Variants in TSHZ1 observed in about 807,000 individuals in gnomAD.
TSHZ1 encodes teashirt homolog 1.
TSHZ1 carries 12 observed loss-of-function variants against 67.1 expected under a neutral mutation model. The ratio of observed to expected loss-of-function variants is 0.18; its 90% confidence interval spans 0.11 to 0.29. TSHZ1 has a LOEUF of 0.29. TSHZ1 is among the 10% of genes least tolerant of loss of function. The pLI, the probability that TSHZ1 is intolerant of heterozygous loss-of-function variation, is 1.00. For synonymous variants in TSHZ1, 632 were observed against 622.4 expected (o/e 1.02, Z -0.23); for missense variants, 1,305 against 1,413.9 (o/e 0.92, Z 1.23).
chr18:75,286,220 C>T lies in TSHZ1; in HGVS notation c.813C>T (p.Tyr271=). Residue 271 remains tyrosine, a synonymous_variant, in exon 2 of 2, where the codon TAC becomes TAT. Transcript: ENST00000580243. This position sits in a 1 kb window ranked among gnomAD's most constrained non-coding sequence, Gnocchi z 5.1. ...LTVHMNETGH[Y]RDDNRDKDSE... ...TGCACATGAACGAGACAGGCCACTA[C>T]CGTGACGACAACAGGGACAAGGACT... 2.5e-6 allele frequency: 4 copies of T among 1,614,062 alleles called. No individual in the cohort carries two copies. Among genetic ancestry groups the T allele is most frequent in the Non-Finnish European group, 2.5e-6 (3 of 1,179,960 alleles).
intron 1 of TSHZ1, among the ~76,000 whole-genome samples, chr18:75,237,802 T>G (rs2023096396): frequency 6.6e-6 from 1 of 150,802 alleles, no homozygotes; most frequent in South Asian, 2.1e-4. Context: ...ATTTATTTAT[T>G]TATTTATTTA....
chr18:75,266,854 TA>T (rs1156259842), intron 1 of TSHZ1, among the ~76,000 whole-genome samples: 1 of 152,234 alleles, frequency 6.6e-6, no homozygotes, highest in Non-Finnish European at 1.5e-5. Context: ...GAATATTATT[TA>T]AAGTTTCTAA....
chr18:75,233,290 A>T (rs1488320941), intron 1 of TSHZ1, among the ~76,000 whole-genome samples: 1 of 152,248 alleles, frequency 6.6e-6, no homozygotes, highest in Non-Finnish European at 1.5e-5. Flanking sequence ...TATAAAGTAC[A>T]AACTTTTCTC....
At chr18:75,274,735 T>G (rs2023596882) in intron 1 of TSHZ1, among the ~76,000 whole-genome samples, 1 of 152,026 alleles carries the variant, frequency 6.6e-6, no homozygotes, top group South Asian at 2.1e-4. Context: ...GCCAAAGTAA[T>G]TTTTTTTAAA....
intron 1 of TSHZ1, among the ~76,000 whole-genome samples, chr18:75,264,804 T>A (rs2023471449): frequency 6.6e-6 from 1 of 152,214 alleles, no homozygotes; most frequent in Non-Finnish European, 1.5e-5. Flanking sequence ...GTCAAATCTG[T>A]TATTTTAGAA....
chr18:75,272,731 G>A (rs191391496), intron 1 of TSHZ1, among the ~76,000 whole-genome samples: 9 of 152,332 alleles, frequency 5.9e-5, no homozygotes, highest in East Asian at 1.9e-4. Context: ...GTCCCATAGC[G>A]TCGTTGTCAA....
At chr18:75,284,040 C>T (rs555706029) in intron 1 of TSHZ1, 1 of 152,618 alleles carries the variant, frequency 6.6e-6, no homozygotes, top group African/African-American at 2.4e-5. Flanking sequence ...ATCTGAACCC[C>T]AAATACCCCA....
intron 1 of TSHZ1, among the ~76,000 whole-genome samples, chr18:75,240,306 G>A (rs1599034995): frequency 6.7e-6 from 1 of 149,750 alleles, no homozygotes; most frequent in African/African-American, 2.5e-5. Context: ...TTTAAGGATA[G>A]TGAATCTTAC....
Position 75,288,791 on chromosome 18 carries a change from A to T in TSHZ1, c.*150A>T. 1 of 1,298,896 alleles carries T rather than the reference A, an allele frequency of 7.7e-7. No individual in the cohort carries two copies. Among genetic ancestry groups the T allele is most frequent in the South Asian group, 1.7e-5 (1 of 57,922 alleles). 80.5% of individuals were successfully genotyped at this position (1,298,896 alleles called of 1,614,324 possible). A position where few individuals can be genotyped will look rare whatever the true frequency, so the allele number is the denominator to read the frequency against. ...TCTTACACATATTTTGTATATTTAT[A>T]TGCTCTCTGTCCGATCTGTGCATGT... On this transcript the variant is annotated 3_prime_UTR_variant, in exon 2 of 2. Coordinates refer to ENST00000580243, the MANE Select transcript of TSHZ1 (RefSeq NM_001308210.2). This position sits in a 1 kb window ranked among gnomAD's most constrained non-coding sequence, Gnocchi z 4.9.
chr18:75,260,940 G>A (rs1025758097), intron 1 of TSHZ1, among the ~76,000 whole-genome samples: 1 of 152,012 alleles, frequency 6.6e-6, no homozygotes, highest in African/African-American at 2.4e-5. Flanking sequence ...GAAAATGGAT[G>A]GACATTTCTC....
intron 1 of TSHZ1, chr18:75,283,550 G>C (rs2023712818): frequency 6.6e-6 from 1 of 152,256 alleles, no homozygotes; most frequent in Non-Finnish European, 1.5e-5. Context: ...GTGTGAACAG[G>C]ATTGTGATTC....
chr18:75,242,770 A>G (rs866094071), intron 1 of TSHZ1, among the ~76,000 whole-genome samples: 17 of 152,210 alleles, frequency 1.1e-4, no homozygotes, highest in South Asian at 6.2e-4. Context: ...GGTGAAGGGT[A>G]CTAGCTGATT....
chr18:75,287,290 C>T lies in TSHZ1; in HGVS notation c.1883C>T (p.Thr628Met), dbSNP rs148468723. The change falls in exon 2 of 2, where the codon ACG becomes ATG. Residue 628 changes from threonine (T) to methionine (M), a missense_variant. Physicochemically the swap from Thr to Met is moderately conservative, Grantham distance 81. Transcript: ENST00000580243. This position sits in a 1 kb window ranked among gnomAD's most constrained non-coding sequence, Gnocchi z 5.0. ...CTCCTGCACTCCCCAGGGAGCCTCA[C>T]GCCCCCACCGCACAAGAGCAACGTG... ...NALLHSPGSL[T>M]PPPHKSNVSA... 126 of 1,614,070 alleles carry T rather than the reference C, an allele frequency of 7.8e-5. No homozygotes were observed. Among genetic ancestry groups the T allele is most frequent in the Middle Eastern group, 1.6e-4 (1 of 6,062 alleles).
intron 1 of TSHZ1, among the ~76,000 whole-genome samples, chr18:75,224,114 A>G (rs1345458849): frequency 6.6e-6 from 1 of 151,188 alleles, no homozygotes; most frequent in African/African-American, 2.4e-5. Flanking sequence ...AAGGAAGGGA[A>G]AATACCCCAA....
intron 1 of TSHZ1, among the ~76,000 whole-genome samples, chr18:75,229,056 C>A (rs115107363): frequency 2.2e-3 from 334 of 152,378 alleles, no homozygotes; most frequent in African/African-American, 7.6e-3. Context: ...GATAGAGGAG[C>A]TCTCAAAGTG....
Position 75,287,007 on chromosome 18 carries a change from C to A in TSHZ1, c.1600C>A (p.Pro534Thr). The change falls in exon 2 of 2, where the codon CCG (proline) becomes ACG (threonine). Residue 534 changes from proline to threonine, a missense_variant. By Grantham distance (38) the Pro-to-Thr change is conservative. Coordinates refer to ENST00000580243, the MANE Select transcript of TSHZ1 (RefSeq NM_001308210.2). This position sits in a 1 kb window ranked among gnomAD's most constrained non-coding sequence, Gnocchi z 5.0. ...LEKFEPSTLYPYLREEDLDDS... is the reference protein window; with the variant it reads ...LEKFEPSTLYTYLREEDLDDS... ...GAAATTTGAGCCCAGCACCCTGTAC[C>A]CGTACCTGCGTGAGGAGGACCTGGA... The A allele has an allele frequency of 6.2e-7, 1 of 1,614,004 alleles. No individual in the cohort carries two copies. The highest frequency in any genetic ancestry group is 8.5e-7 in the Non-Finnish European group (1 of 1,180,008).
chr18:75,240,285 T>G (rs2023137015), intron 1 of TSHZ1, among the ~76,000 whole-genome samples: 1 of 152,196 alleles, frequency 6.6e-6, no homozygotes, highest in South Asian at 2.1e-4. Flanking sequence ...AAAGTGATAT[T>G]TCTTAAAAAT....
chr18:75,231,789 C>A (rs36035498), intron 1 of TSHZ1, among the ~76,000 whole-genome samples: 3 of 152,124 alleles, frequency 2.0e-5, no homozygotes, highest in Non-Finnish European at 4.4e-5. Flanking sequence ...CCGCTTTGGC[C>A]TCCCAAAGTG....
At chr18:75,248,631 C>T (rs1341299375) in intron 1 of TSHZ1, among the ~76,000 whole-genome samples, 3 of 152,114 alleles carry the variant, frequency 2.0e-5, no homozygotes, top group Non-Finnish European at 2.9e-5. Context: ...AAATAGAAAA[C>T]CACAAATTTC....
Sources: gnomAD v4.1 joint callset for allele counts (sites outside exome capture counted in the v4.1 genomes callset) on GRCh38, gnomAD v4.1.1 for gene constraint, Gnocchi (gnomAD v3.1) non-coding constraint, MANE v1.5 for transcripts, NCBI Gene and HGNC (gene_info 2026-07-23, HGNC 2026-07-21) for gene names.